The following HDAC1 variants were observed in gnomAD, a reference collection of about 807,000 sequenced individuals.
HDAC1 encodes histone deacetylase 1.
In HDAC1, 18 loss-of-function variants were observed where a neutral mutation model predicts 65.5. The observed-to-expected ratio is 0.27, with a 90% CI of 0.19 to 0.41. The LOEUF is 0.41. Ranked by LOEUF, HDAC1 falls within the 10% of genes least tolerant of loss-of-function variation. The probability of loss-of-function intolerance (pLI) is 1.00; values close to 1 mark genes in which losing one functional copy is unlikely to be tolerated. For synonymous variants in HDAC1, 211 were observed against 227.9 expected (o/e 0.93, Z 0.67); for missense variants, 373 against 625.2 (o/e 0.60, Z 4.30).
rs148456082 is a variant in HDAC1 at position 32,317,605 on chromosome 1, A to G, written c.280+823A>G. On this transcript the variant is annotated intron_variant, in intron 3 of 13. Transcript: ENST00000373548. Reference sequence around the variant, plus strand: ...CCAAGGAAGAAAGTTATTTATAACTATTATTACAACTAATAATAACTGTAC... The same window carrying G: ...CCAAGGAAGAAAGTTATTTATAACTGTTATTACAACTAATAATAACTGTAC... Among the ~76,000 whole-genome samples the G allele has an allele frequency of 3.2e-3, 487 of 152,342 alleles. 5 individuals carry two copies. The highest frequency in any genetic ancestry group is 0.011 in the African/African-American group (471 of 41,578).
Position 32,330,247 on chromosome 1 carries a change from G to A in HDAC1, c.730-331G>A, listed in dbSNP as rs903102689. The A allele has an allele frequency of 9.4e-6, 3 of 319,286 alleles. No individual in the cohort carries two copies. The highest frequency in any genetic ancestry group is 6.4e-5 in the African/African-American group (3 of 47,002). The allele number at this position is 319,286 out of a possible 1,614,324, so 19.8% of individuals were successfully genotyped here. Reference sequence around the variant, plus strand: ...AAGTCTGTAAGACCGAATGAGTAGAGTAGATGCAGCTAAAGGTCAGGAAGG... The same window carrying A: ...AAGTCTGTAAGACCGAATGAGTAGAATAGATGCAGCTAAAGGTCAGGAAGG... On this transcript the variant is annotated intron_variant, in intron 7 of 13. Transcript: ENST00000373548. This position sits in a 1 kb window ranked among gnomAD's most constrained non-coding sequence, Gnocchi z 4.2.
chr1:32,295,333 C>T (rs143113802), intron 1 of HDAC1, among the ~76,000 whole-genome samples: 1 of 151,574 alleles, frequency 6.6e-6, no homozygotes, highest in African/African-American at 2.4e-5. Flanking sequence ...CCTGGGAGGT[C>T]GACTCTGCAG....
intron 2 of HDAC1, among the ~76,000 whole-genome samples, chr1:32,309,186 A>G (rs552290237): frequency 2.0e-5 from 3 of 152,136 alleles, no homozygotes; most frequent in African/African-American, 7.2e-5. Context: ...TGTTGCTTCA[A>G]ATAAAGGTAG....
rs1347515093 is a variant in HDAC1, at chr1:32,332,734, A to G, written c.1406A>G (p.Lys469Arg). ...GAAGAGGAGAAAACCAAGGAGGAGAAGCCAGAAGCCAAAGGGTGAGGAAGG... is the reference window on the plus strand; with the variant it reads ...GAAGAGGAGAAAACCAAGGAGGAGAGGCCAGAAGCCAAAGGGTGAGGAAGG... Reference protein sequence around the residue: ...VTEEEKTKEEKPEAKGVKEEV... With the variant: ...VTEEEKTKEERPEAKGVKEEV... Residue 469 changes from lysine to arginine, a missense_variant, in exon 13 of 14, where the codon AAG (lysine) becomes AGG (arginine). Transcript: ENST00000373548. The G allele has an allele frequency of 6.4e-7, 1 of 1,555,264 alleles. No individual in the cohort carries two copies. Among genetic ancestry groups the G allele is most frequent in the South Asian group, 1.2e-5 (1 of 84,236 alleles).
rs1219457998 is a variant in HDAC1 at position 32,331,463 on chromosome 1, G to T, written c.980-11G>T. 1 of 1,528,746 alleles carries T rather than the reference G, an allele frequency of 6.5e-7. No individual in the cohort carries two copies. 94.7% of individuals were successfully genotyped at this position (1,528,746 alleles called of 1,614,324 possible). On this transcript the variant is annotated splice_polypyrimidine_tract_variant and intron_variant, in intron 9 of 13. Transcript: ENST00000373548. This position sits in a 1 kb window ranked among gnomAD's most constrained non-coding sequence, Gnocchi z 4.2. ...AGGTCTCTTGACGGTCTTCTCTCCT[G>T]CCCCAATCAGAGCTTCCATACAATG...
chr1:32,327,790 C>A lies in HDAC1; in HGVS notation c.636+113C>A. ...CTTGCCTCTTCTGCCAATCAGAATA[C>A]CACATCCCAATCTGAAGCACTTGCC... is the stretch of plus-strand genomic sequence containing the variant. On this transcript the variant is annotated intron_variant, in intron 6 of 13. Transcript: ENST00000373548. This position sits in a 1 kb window ranked among gnomAD's most constrained non-coding sequence, Gnocchi z 6.0. 1 of 852,638 alleles carries A rather than the reference C, an allele frequency of 1.2e-6. No homozygotes were observed. The allele number at this position is 852,638 out of a possible 1,614,324, so 52.8% of individuals were successfully genotyped here. A position where few individuals can be genotyped will look rare whatever the true frequency, so the allele number is the denominator to read the frequency against.
intron 12 of HDAC1, 126 bp downstream of exon 12, chr1:32,332,368 C>A: frequency 2.2e-6 from 2 of 892,686 alleles, no homozygotes; most frequent in Non-Finnish European, 3.5e-6. Context: ...GTTCCTTGAG[C>A]CTTTCAGTGG....
intron 11 of HDAC1, 37 bp from the exon 12 acceptor site, chr1:32,332,053 G>A (rs777590609): frequency 9.8e-6 from 15 of 1,533,446 alleles, no homozygotes; most frequent in Admixed American, 6.4e-5. Context: ...ATCAGCACCC[G>A]CCTGCCCTCT....
At chr1:32,315,981 CAAA>C (rs111919247) in intron 2 of HDAC1, among the ~76,000 whole-genome samples, 2 of 130,064 alleles carry the variant, frequency 1.5e-5, no homozygotes, top group African/African-American at 2.9e-5. Flanking sequence ...AACAAACAAA[CAAA>C]AAAAAACGAA....
Position 32,326,669 on chromosome 1 carries a change from A to G in HDAC1, c.356-270A>G, listed in dbSNP as rs572746154. Among the ~76,000 whole-genome samples, 247 of 152,108 alleles carry G rather than the reference A, an allele frequency of 1.6e-3. 2 individuals are homozygous for G. Among genetic ancestry groups the G allele is most frequent in the Non-Finnish European group, 2.7e-3 (182 of 68,002 alleles). On this transcript the variant is annotated intron_variant, in intron 4 of 13. Transcript: ENST00000373548. ...TTTCATTAAAAAAATATATATATAT[A>G]TACACACACACACTAATCATGATGT... is the stretch of plus-strand genomic sequence containing the variant.
chr1:32,320,092 C>T (rs906977978), intron 3 of HDAC1, among the ~76,000 whole-genome samples: 2 of 152,034 alleles, frequency 1.3e-5, no homozygotes, highest in South Asian at 2.1e-4. Context: ...TGGTGGCAGG[C>T]GCTTGTGGTC....
Position 32,332,294 on chromosome 1 carries a change from T to C in HDAC1, c.1372+52T>C, listed in dbSNP as rs570348814. ...GGTCTCGAGCCTGAGAGGATGAATC[T>C]ATGTAGGGCAGTGGGAGGAGGGAGT... is the stretch of plus-strand genomic sequence containing the variant. On this transcript the variant is annotated intron_variant, in intron 12 of 13. Transcript: ENST00000373548. The C allele has an allele frequency of 7.2e-6, 11 of 1,533,748 alleles. No individual in the cohort carries two copies. In the East Asian group the frequency reaches 1.4e-4, roughly 19 times the overall value.
chr1:32,294,263 C>T (rs1406723470), intron 1 of HDAC1, among the ~76,000 whole-genome samples: 2 of 151,592 alleles, frequency 1.3e-5, no homozygotes, highest in Admixed American at 6.6e-5. Flanking sequence ...ATTCTCCTGC[C>T]TCAGCCTCCT....
intron 1 of HDAC1, among the ~76,000 whole-genome samples, chr1:32,298,141 G>A (rs866372783): frequency 7.3e-6 from 1 of 137,206 alleles, no homozygotes; most frequent in African/African-American, 2.8e-5. Context: ...AGGCTGGAGC[G>A]CAGTGGCGCA....
chr1:32,316,169 A>C (rs1641060620), intron 2 of HDAC1, among the ~76,000 whole-genome samples: 1 of 151,958 alleles, frequency 6.6e-6, no homozygotes, highest in Admixed American at 6.6e-5. Context: ...CTGTAGTCCC[A>C]GCTACTTGGA....
At chr1:32,328,325 T>G (rs1641246537) in intron 6 of HDAC1, among the ~76,000 whole-genome samples, 1 of 152,094 alleles carries the variant, frequency 6.6e-6, no homozygotes, top group Non-Finnish European at 1.5e-5. Context: ...ACTTTTTTTT[T>G]TTTTTTGAGA....
At chr1:32,295,662 G>C (rs114867996) in intron 1 of HDAC1, among the ~76,000 whole-genome samples, 62 of 152,242 alleles carry the variant, frequency 4.1e-4, no homozygotes, top group African/African-American at 1.3e-3. Context: ...CTCCCAAAAG[G>C]CTCCACTTCC....
intron 1 of HDAC1, among the ~76,000 whole-genome samples, chr1:32,295,272 G>T (rs1241555786): frequency 6.6e-6 from 1 of 151,970 alleles, no homozygotes; most frequent in African/African-American, 2.4e-5. Flanking sequence ...AAATTAGCTG[G>T]GCATGATGGC....
At chr1:32,310,616 G>A (rs1306414730) in intron 2 of HDAC1, among the ~76,000 whole-genome samples, 1 of 152,144 alleles carries the variant, frequency 6.6e-6, no homozygotes, top group Non-Finnish European at 1.5e-5. Context: ...TTGGGAGGCT[G>A]AGGCGGATGG....
Sources: allele counts gnomAD v4.1 joint callset (sites outside exome capture counted in the v4.1 genomes callset), GRCh38; gene constraint gnomAD v4.1.1; non-coding constraint Gnocchi (gnomAD v3.1); transcripts MANE v1.5; gene names NCBI Gene and HGNC (gene_info 2026-07-23, HGNC 2026-07-21).